Variants in PCNT observed in about 807,000 individuals in gnomAD.
PCNT encodes the protein kendrin.
Under a neutral mutation model 380.4 loss-of-function variants are expected in PCNT, and 319 were observed. The ratio of observed to expected loss-of-function variants is 0.84; its 90% CI spans 0.77 to 0.92. PCNT has a LOEUF of 0.92. PCNT is among the 40% of genes least tolerant of loss of function. PCNT has a pLI of 0.00. For missense variants in PCNT, 4,400 were observed against 4,255.3 expected (o/e 1.03, Z -0.95); for synonymous variants, 1,845 against 1,735.2 (o/e 1.06, Z -1.57).
Position 46,394,570 on chromosome 21 carries a change from C to T in PCNT, c.4217-2695C>T, listed in dbSNP as rs1243681727. 1.0e-5 allele frequency: 10 copies of T among 978,888 alleles called. No individual in the cohort carries two copies. The African/African-American group carries it at 1.2e-4, about 12-fold the overall frequency. The allele number at this position is 978,888 out of a possible 1,614,324, so 60.6% of individuals were successfully genotyped here. On this transcript the variant is annotated intron_variant, in intron 21 of 46. Transcript: ENST00000359568. Reference sequence around the variant, plus strand: ...AGACAAACGATTGATTTGTGTGTGACGTGCTGTTTGTTTGCACTGGATTTT... The same window carrying T: ...AGACAAACGATTGATTTGTGTGTGATGTGCTGTTTGTTTGCACTGGATTTT...
At chr21:46,415,191 T>G (rs882401) in intron 29 of PCNT, among the ~76,000 whole-genome samples, 26,814 of 152,114 alleles carry the variant, frequency 0.18, 4,350 homozygotes, top group African/African-American at 0.43. Flanking sequence ...GAAAGATTCT[T>G]AATTCCACAG....
At position 46,351,489 on chromosome 21, in the gene PCNT, C is replaced by A. The variant is rs1178276318; in HGVS notation, c.1405C>A (p.Arg469Ser). 6.2e-7 allele frequency: 1 copy of A among 1,613,186 alleles called. No homozygotes were observed. The highest frequency in any genetic ancestry group is 8.5e-7 in the Non-Finnish European group (1 of 1,179,154). The change falls in exon 9 of 47, where the codon CGC becomes AGC. Residue 469 changes from arginine to serine, a missense_variant. Arg to Ser is a moderately radical substitution (Grantham distance 110). Transcript: ENST00000359568. The part of the protein sequence containing the change: ...LKAQSQEEIR[R>S]LWSQLDSART... ...GGCACAATCACAAGAAGAGATCAGG[C>A]GCTTGTGGTCCCAGCTTGATTCTGC...
chr21:46,422,643 G>A (rs1370828261), intron 32 of PCNT, among the ~76,000 whole-genome samples: 1 of 152,184 alleles, frequency 6.6e-6, no homozygotes, highest in Non-Finnish European at 1.5e-5. Context: ...ACAAAAACTT[G>A]GCTAAACAAG....
chr21:46,334,906 G>A (rs755289687), intron 3 of PCNT, 138 bp downstream of exon 3: 160 of 1,387,472 alleles, frequency 1.2e-4, no homozygotes, highest in Middle Eastern at 4.9e-4. Context: ...ATAGAGAGCT[G>A]GAGGCAGAGG....
At position 46,425,897 on chromosome 21, in the gene PCNT, C is replaced by G. The variant is rs576796827; in HGVS notation, c.7246C>G (p.Pro2416Ala). The G allele has an allele frequency of 5.0e-6, 8 of 1,613,870 alleles. No homozygotes were observed. Among genetic ancestry groups the G allele is most frequent in the African/African-American group, 2.7e-5 (2 of 74,972 alleles). ...ILALSEGLAP[P>A]SGEPHPPRKE... is the part of the protein sequence containing the mutation. ...GGCGCTGTCAGAAGGCCTTGCACCC[C>G]CAAGCGGCGAGCCACACCCACCCCG... Residue 2416 changes from proline (P) to alanine (A), a missense_variant, in exon 33 of 47, where the codon CCA becomes GCA. Coordinates refer to ENST00000359568, the MANE Select transcript of PCNT (RefSeq NM_006031.6). This position sits in a 1 kb window ranked among gnomAD's most constrained non-coding sequence, Gnocchi z 4.2.
chr21:46,373,762 G>T (rs1463954871), intron 15 of PCNT, among the ~76,000 whole-genome samples: 1 of 110,520 alleles, frequency 9.0e-6, no homozygotes, highest in Non-Finnish European at 1.7e-5. Flanking sequence ...GCGGAGTCTC[G>T]CTCTGTCGCC....
intron 31 of PCNT, chr21:46,420,441 T>C (rs1383847189): frequency 6.6e-6 from 1 of 152,272 alleles, no homozygotes; most frequent in East Asian, 1.9e-4. Context: ...ATCTTTCTTA[T>C]CCTAACTGTT....
At chr21:46,391,655 A>G (rs184685228) in intron 21 of PCNT, among the ~76,000 whole-genome samples, 2 of 152,322 alleles carry the variant, frequency 1.3e-5, no homozygotes, top group African/African-American at 4.8e-5. Context: ...TCTGAGTCCA[A>G]CAGCAGCAGC....
chr21:46,434,131 T>A (rs1327549534), intron 38 of PCNT, among the ~76,000 whole-genome samples: 1 of 152,186 alleles, frequency 6.6e-6, no homozygotes, highest in East Asian at 1.9e-4. Context: ...ATAGAACCCT[T>A]CTCTAGCTGT....
intron 46 of PCNT, 62 bp downstream of exon 46, chr21:46,444,883 G>A (rs1569317883): frequency 2.6e-6 from 4 of 1,538,352 alleles, no homozygotes; most frequent in Admixed American, 1.7e-5. Context: ...GGAAACGTAG[G>A]GTCTGTTGAA....
Position 46,425,735 on chromosome 21 carries a change from A to G in PCNT, c.7180-96A>G, listed in dbSNP as rs1395458902. On this transcript the variant is annotated intron_variant, in intron 32 of 46. Coordinates refer to ENST00000359568, the MANE Select transcript of PCNT (RefSeq NM_006031.6). This position sits in a 1 kb window ranked among gnomAD's most constrained non-coding sequence, Gnocchi z 4.2. ...CCCTCTCCACAGCTGCCCGCCCTTC[A>G]CAGAGTCCTGGCGGCAGCTCGGGGC... 2.2e-5 allele frequency: 34 copies of G among 1,572,088 alleles called. No individual in the cohort carries two copies. Among genetic ancestry groups the G allele is most frequent in the African/African-American group, 2.7e-5 (2 of 74,288 alleles).
chr21:46,403,582 A>G (rs375396504), intron 27 of PCNT, among the ~76,000 whole-genome samples: 1,427 of 79,180 alleles, frequency 0.018, 53 homozygotes, highest in African/African-American at 0.06. Context: ...CACGTGGCAC[A>G]TGCTCGGTGA....
chr21:46,385,468 C>T (rs7281373), intron 16 of PCNT, among the ~76,000 whole-genome samples: 19,624 of 152,258 alleles, frequency 0.13, 1,339 homozygotes, highest in South Asian at 0.21. Flanking sequence ...GGCCCCTTCC[C>T]TCCCCTAGCC....
At chr21:46,427,903 C>A in intron 34 of PCNT, 108 bp downstream of exon 34, 1 of 1,244,386 alleles carries the variant, frequency 8.0e-7, no homozygotes, top group South Asian at 1.3e-5. Flanking sequence ...GTGTGTTTCT[C>A]TCGACCGCTG....
chr21:46,431,227 T>A, intron 37 of PCNT: 1 of 1,259,074 alleles, frequency 7.9e-7, no homozygotes, highest in Non-Finnish European at 1.0e-6. Context: ...TGGAGTGATT[T>A]TCTGGAGAGG....
chr21:46,439,641 T>C (rs1448064964), intron 41 of PCNT, among the ~76,000 whole-genome samples: 1 of 152,202 alleles, frequency 6.6e-6, no homozygotes, highest in Non-Finnish European at 1.5e-5. Context: ...CATCGTTTTT[T>C]CTGAATATTT....
chr21:46,421,423 T>C (rs551015690), intron 31 of PCNT, among the ~76,000 whole-genome samples: 1 of 150,896 alleles, frequency 6.6e-6, no homozygotes, highest in Admixed American at 6.5e-5. Flanking sequence ...CTGGCGCAGC[T>C]GCAGGTCTCT....
In PCNT at chr21:46,388,944, G is replaced by T; in HGVS notation, c.3607+60G>T. The T allele has an allele frequency of 6.5e-7, 1 of 1,542,810 alleles. No individual in the cohort carries two copies. Among genetic ancestry groups the T allele is most frequent in the East Asian group, 2.4e-5 (1 of 41,634 alleles). ...CTTGCAGCCCCTCTGTGGTCCTGGA[G>T]CTCTCTGAGAGGAGCCTCCGTATTG... is the stretch of plus-strand genomic sequence containing the variant. On this transcript the variant is annotated intron_variant, in intron 18 of 46. Coordinates refer to ENST00000359568, the MANE Select transcript of PCNT (RefSeq NM_006031.6). The surrounding 1 kb of genome is among the most constrained non-coding windows in gnomAD (Gnocchi z 4.2).
Position 46,412,960 on chromosome 21 carries a change from G to T in PCNT, c.6118G>T (p.Glu2040Ter). ...LQSELLLVKN[E>*]MRLSLEDGGK... ...GTCGGAGCTGCTCTTGGTGAAAAAT[G>T]AAATGCGCCTGAGTCTGGAGGACGG... Residue 2040 changes from glutamate (E) to a stop codon, truncating the protein, a stop_gained, in exon 29 of 47, where the codon GAA (glutamate) becomes TAA (stop). Coordinates refer to ENST00000359568, the MANE Select transcript of PCNT (RefSeq NM_006031.6). LOFTEE classifies it high-confidence loss of function. 1 of 1,610,842 alleles carries T rather than the reference G, an allele frequency of 6.2e-7. No homozygotes were observed. The highest frequency in any genetic ancestry group is 1.7e-5 in the Admixed American group (1 of 60,024).
Sources: gnomAD v4.1 joint callset for allele counts (sites outside exome capture counted in the v4.1 genomes callset) on GRCh38, gnomAD v4.1.1 for gene constraint, Gnocchi (gnomAD v3.1) non-coding constraint, MANE v1.5 for transcripts, NCBI Gene and HGNC (gene_info 2026-07-23, HGNC 2026-07-21) for gene names.